CMC2: variants seen among roughly 807,000 people sequenced by gnomAD.
The protein encoded by CMC2 is COX assembly mitochondrial protein 2 homolog.
In CMC2, 5 loss-of-function variants were observed where a neutral mutation model predicts 7.5. The ratio of observed to expected loss-of-function variants is 0.66; its 90% CI spans 0.35 to 1.40. CMC2 has a LOEUF of 1.40. CMC2 is among the 40% of genes most tolerant of loss of function. The pLI is 0.04. For synonymous variants in CMC2, 37 were observed against 31.4 expected, an observed-to-expected ratio of 1.18 and a Z score of -0.60; for missense variants, 115 against 92.3, an observed-to-expected ratio of 1.25 and a Z score of -1.01.
rs35538366 is a variant in CMC2 at position 80,968,880 on chromosome 16, A to G, written c.*7213T>C. Reference sequence around the variant, plus strand: ...TGAGGTTTTCATAAACACAATGGAAAAAGATGGAAGATACTGAGTCTCTAC... The same window carrying G: ...TGAGGTTTTCATAAACACAATGGAAGAAGATGGAAGATACTGAGTCTCTAC... On this transcript the variant is annotated 3_prime_UTR_variant, in exon 4 of 4. Transcript: ENST00000219400. 0.18 allele frequency: 27,215 copies of G among 152,158 alleles called. 2,859 individuals are homozygous for G. Among genetic ancestry groups the G allele is most frequent in the African/African-American group, 0.3 (12,566 of 41,452 alleles). 9.4% of individuals were successfully genotyped at this position (152,158 alleles called of 1,614,324 possible).
chr16:81,004,931 G>T (rs1348355978), intron 1 of CMC2, among the ~76,000 whole-genome samples: 1 of 152,156 alleles, frequency 6.6e-6, no homozygotes, highest in African/African-American at 2.4e-5. Context: ...TAATCACAAG[G>T]AAGAACCCTG....
At chr16:80,976,432 A>T (rs1275908328) in intron 3 of CMC2, among the ~76,000 whole-genome samples, 1 of 152,208 alleles carries the variant, frequency 6.6e-6, no homozygotes, top group African/African-American at 2.4e-5. Flanking sequence ...TCTACATGCT[A>T]ATAGATGCAC....
rs1911984747 is a variant in CMC2, at chr16:80,972,271, T to G, written c.*3822A>C. On this transcript the variant is annotated 3_prime_UTR_variant, in exon 4 of 4. Transcript: ENST00000219400. ...GGTATAGCTGGTTCCCTGAATATGA[T>G]ATCATTTAAGGGGCACAAATTTCAA... 2.0e-5 allele frequency: 3 copies of G among 152,226 alleles called. No homozygotes were observed. The allele number at this position is 152,226 out of a possible 1,614,324, so 9.4% of individuals were successfully genotyped here. A position where few individuals can be genotyped will look rare whatever the true frequency, so the allele number is the denominator to read the frequency against.
At chr16:81,004,560 T>C (rs1057019545) in intron 1 of CMC2, among the ~76,000 whole-genome samples, 1 of 152,228 alleles carries the variant, frequency 6.6e-6, no homozygotes, top group Non-Finnish European at 1.5e-5. Context: ...CCACTGTGTA[T>C]GCACACAATG....
At chr16:80,991,806 C>T (rs1173356102) in intron 2 of CMC2, 1 of 379,374 alleles carries the variant, frequency 2.6e-6, no homozygotes, top group Non-Finnish European at 5.3e-6. Flanking sequence ...ATGAGGAAAA[C>T]AAGACAAATT....
rs66502225 is a variant in CMC2 at position 80,966,934 on chromosome 16, G to A, written c.*9159C>T. Reference sequence around the variant, plus strand: ...TCCTATTCGTAGACATATAGAGCCCGTCTTATTTTAATTACATCCAACAAT... The same window carrying A: ...TCCTATTCGTAGACATATAGAGCCCATCTTATTTTAATTACATCCAACAAT... On this transcript the variant is annotated 3_prime_UTR_variant, in exon 4 of 4. Transcript: ENST00000219400. 1.3e-5 allele frequency: 2 copies of A among 151,962 alleles called. No homozygotes were observed. The highest frequency in any genetic ancestry group is 2.9e-5 in the Non-Finnish European group (2 of 68,012). 9.4% of individuals were successfully genotyped at this position (151,962 alleles called of 1,614,324 possible).
intron 1 of CMC2, among the ~76,000 whole-genome samples, chr16:81,003,806 T>A (rs1000264389): frequency 3.9e-5 from 6 of 152,202 alleles, no homozygotes; most frequent in African/African-American, 1.4e-4. Flanking sequence ...GTATTGTATT[T>A]GTCACTAGTC....
chr16:80,979,131 T>A (rs1451486129), intron 3 of CMC2, among the ~76,000 whole-genome samples: 2 of 151,578 alleles, frequency 1.3e-5, no homozygotes, highest in South Asian at 2.1e-4. Context: ...TCAGATGACA[T>A]ATGAAGCAAA....
chr16:80,999,727 G>A (rs903501484), intron 1 of CMC2, among the ~76,000 whole-genome samples: 1 of 152,152 alleles, frequency 6.6e-6, no homozygotes, highest in East Asian at 1.9e-4. Context: ...TGGACCAATG[G>A]AACATAACAG....
At chr16:80,997,067 C>G in intron 2 of CMC2, 1 of 547,876 alleles carries the variant, frequency 1.8e-6, no homozygotes, top group Admixed American at 2.9e-5. Flanking sequence ...ACATGGATTC[C>G]AACTGTTACA....
At chr16:81,004,300 T>C (rs1166556853) in intron 1 of CMC2, among the ~76,000 whole-genome samples, 1 of 152,170 alleles carries the variant, frequency 6.6e-6, no homozygotes, top group African/African-American at 2.4e-5. Context: ...TCTTGGATGT[T>C]TCCAGTGAAA....
intron 1 of CMC2, among the ~76,000 whole-genome samples, chr16:80,999,447 C>T (rs1968683815): frequency 6.6e-6 from 1 of 152,198 alleles, no homozygotes; most frequent in South Asian, 2.1e-4. Context: ...ATTCCGTGCT[C>T]ATGGATTGGG....
At chr16:80,983,137 A>G (rs12918429) in intron 2 of CMC2, 24,443 of 153,060 alleles carry the variant, frequency 0.16, 2,075 homozygotes, top group East Asian at 0.21. Context: ...TATTGCATGA[A>G]TACAATATAT....
chr16:80,990,197 G>T (rs1329236152), intron 2 of CMC2, among the ~76,000 whole-genome samples: 1 of 150,642 alleles, frequency 6.6e-6, no homozygotes, highest in Non-Finnish European at 1.5e-5. Flanking sequence ...TTGAGACACA[G>T]TCTCACTCTG....
chr16:80,967,145 G>C lies in CMC2; in HGVS notation c.*8948C>G, dbSNP rs1050156344. The C allele has an allele frequency of 5.9e-5, 9 of 152,154 alleles. No homozygotes were observed. The highest frequency in any genetic ancestry group is 2.2e-4 in the African/African-American group (9 of 41,426). The allele number at this position is 152,154 out of a possible 1,614,324, so 9.4% of individuals were successfully genotyped here. On this transcript the variant is annotated 3_prime_UTR_variant, in exon 4 of 4. Coordinates refer to ENST00000219400, the MANE Select transcript of CMC2 (RefSeq NM_020188.5). The stretch of plus-strand genomic sequence containing the variant: ...CAGATACAGGAATAATGTGGTGTCT[G>C]CCCAGAGAGGTGTCAGCCCAGAGAG...
intron 2 of CMC2, among the ~76,000 whole-genome samples, chr16:80,986,418 G>A (rs1967540651): frequency 6.7e-6 from 1 of 150,018 alleles, no homozygotes; most frequent in Admixed American, 6.6e-5. Context: ...TTGTACCACT[G>A]CACTCCAGCC....
At chr16:80,996,241 A>G (rs992753399) in intron 2 of CMC2, among the ~76,000 whole-genome samples, 1 of 152,218 alleles carries the variant, frequency 6.6e-6, no homozygotes, top group Non-Finnish European at 1.5e-5. Context: ...AAAATCCTCA[A>G]TAACAAGACT....
intron 2 of CMC2, among the ~76,000 whole-genome samples, chr16:80,995,543 G>C (rs1177723241): frequency 2.0e-5 from 3 of 152,022 alleles, no homozygotes; most frequent in Admixed American, 6.6e-5. Flanking sequence ...TGTAATCCCA[G>C]CTACTAGGCA....
intron 2 of CMC2, among the ~76,000 whole-genome samples, chr16:80,984,905 G>C (rs1307452779): frequency 6.6e-6 from 1 of 152,208 alleles, no homozygotes; most frequent in African/African-American, 2.4e-5. Flanking sequence ...AGAGAAATTG[G>C]TAGAAGAAAT....
Sources: allele counts gnomAD v4.1 joint callset (sites outside exome capture counted in the v4.1 genomes callset), GRCh38; gene constraint gnomAD v4.1.1; transcripts MANE v1.5; gene names NCBI Gene and HGNC (gene_info 2026-07-23, HGNC 2026-07-21).